ATL1: variants seen among roughly 807,000 people sequenced by gnomAD.
ATL1 encodes atlastin GTPase 1, also known as atlastin-1.
ATL1 carries 31 observed loss-of-function variants against 75.5 expected under a neutral mutation model. That is an observed-to-expected ratio of 0.41 (90% CI 0.31 to 0.55). The LOEUF is 0.55. Ranked by LOEUF, ATL1 falls within the 20% of genes least tolerant of loss-of-function variation. The pLI, the probability that ATL1 is intolerant of heterozygous loss-of-function variation, is 0.27. For synonymous variants in ATL1, 226 were observed against 233.3 expected (o/e 0.97, Z 0.28); for missense variants, 405 against 662.6 (o/e 0.61, Z 4.27).
intron 2 of ATL1, among the ~76,000 whole-genome samples, chr14:50,589,524 C>T (rs1300434422): frequency 6.6e-6 from 1 of 152,090 alleles, no homozygotes; most frequent in Non-Finnish European, 1.5e-5. Context: ...CTGGAGAAAG[C>T]TTCATAGAGA....
intron 6 of ATL1, among the ~76,000 whole-genome samples, chr14:50,612,047 T>A (rs2039371188): frequency 6.6e-6 from 1 of 152,162 alleles, no homozygotes; most frequent in South Asian, 2.1e-4. Flanking sequence ...ATTATTCACA[T>A]AATGGGAAAT....
chr14:50,614,113 T>G (rs2039392178), intron 7 of ATL1, among the ~76,000 whole-genome samples: 1 of 152,162 alleles, frequency 6.6e-6, no homozygotes, highest in Admixed American at 6.5e-5. Context: ...CTAATTTGTA[T>G]TAAAAAATGG....
intron 1 of ATL1, among the ~76,000 whole-genome samples, chr14:50,582,685 C>A (rs528759552): frequency 1.3e-5 from 2 of 151,730 alleles, no homozygotes; most frequent in Non-Finnish European, 2.9e-5. Context: ...CTCGGCCTCC[C>A]AAAGTGCTGG....
intron 1 of ATL1, among the ~76,000 whole-genome samples, chr14:50,574,931 GTGTGTGTA>G (rs1412378908): frequency 0.039 from 3,033 of 78,038 alleles, 33 homozygotes; most frequent in Non-Finnish European, 0.053. Flanking sequence ...GTGTGTGTGT[GTGTGTGTA>G]TATATATATA....
intron 8 of ATL1, among the ~76,000 whole-genome samples, chr14:50,619,651 A>G (rs548562521): frequency 6.6e-5 from 10 of 152,328 alleles, no homozygotes; most frequent in African/African-American, 1.9e-4. Flanking sequence ...TGTGTAATCA[A>G]TTATATCAAA....
At position 50,560,318 on chromosome 14, in the gene ATL1, C is replaced by G. The variant is rs1366172345; in HGVS notation, c.34+19C>G. 6.2e-7 allele frequency: 1 copy of G among 1,613,268 alleles called. No homozygotes were observed. The highest frequency in any genetic ancestry group is 1.3e-5 in the African/African-American group (1 of 74,908). ...AGTTGGGGTGAGTAGCAAATGAGAA[C>G]TTCTGCAGCCTGCACGGGGTCTTCT... is the stretch of plus-strand genomic sequence containing the variant. On this transcript the variant is annotated intron_variant, in intron 1 of 13. Transcript: ENST00000358385.
At chr14:50,605,866 G>C (rs999206031) in intron 6 of ATL1, among the ~76,000 whole-genome samples, 1 of 151,922 alleles carries the variant, frequency 6.6e-6, no homozygotes, top group Non-Finnish European at 1.5e-5. Flanking sequence ...TATCTTTCTG[G>C]GTTAAAAGAA....
At chr14:50,615,666 T>A (rs368282906) in intron 8 of ATL1, among the ~76,000 whole-genome samples, 1 of 152,236 alleles carries the variant, frequency 6.6e-6, no homozygotes, top group African/African-American at 2.4e-5. Flanking sequence ...GTCACACTTA[T>A]GAATTCCAAC....
intron 1 of ATL1, among the ~76,000 whole-genome samples, chr14:50,584,668 C>G (rs1188918468): frequency 6.6e-6 from 1 of 151,778 alleles, no homozygotes; most frequent in East Asian, 1.9e-4. Flanking sequence ...GAGATCGCGC[C>G]ACTGCACTCC....
At chr14:50,553,949 G>T (rs1305712002) in intron 1 of ATL1, among the ~76,000 whole-genome samples, 1 of 152,092 alleles carries the variant, frequency 6.6e-6, no homozygotes, top group Non-Finnish European at 1.5e-5. Context: ...GGGGACTCCG[G>T]GCAAAGGGTC....
upstream of ATL1, among the ~76,000 whole-genome samples, chr14:50,558,522 T>A (rs2038792905): frequency 6.6e-6 from 1 of 152,192 alleles, no homozygotes; most frequent in Non-Finnish European, 1.5e-5. Flanking sequence ...ATTTAAGCAT[T>A]TTTTTGTGAT....
chr14:50,568,055 T>C (rs2038920791), intron 1 of ATL1, among the ~76,000 whole-genome samples: 2 of 152,216 alleles, frequency 1.3e-5, no homozygotes, highest in Non-Finnish European at 2.9e-5. Flanking sequence ...TATTTCCTTT[T>C]TGTTTGTTTG....
chr14:50,582,055 C>T (rs954609193), intron 1 of ATL1, among the ~76,000 whole-genome samples: 5 of 151,936 alleles, frequency 3.3e-5, no homozygotes, highest in Non-Finnish European at 5.9e-5. Context: ...CCGAGGCGGG[C>T]GGATCACTTG....
chr14:50,587,994 G>A lies in ATL1; in HGVS notation c.198G>A (p.Glu66=), dbSNP rs1260793822. The A allele has an allele frequency of 2.5e-6, 4 of 1,614,164 alleles. No homozygotes were observed. Among genetic ancestry groups the A allele is most frequent in the Non-Finnish European group, 3.4e-6 (4 of 1,180,028 alleles). Residue 66 remains glutamate (E), a synonymous_variant, in exon 2 of 14, where the codon GAG becomes GAA. Coordinates refer to ENST00000358385, the MANE Select transcript of ATL1 (RefSeq NM_015915.5). ...ILLSEAVRDK[E]VVAVSVAGAF... is the part of the protein sequence containing the mutation. ...TCTCGGAGGCTGTCAGAGACAAGGA[G>A]GTTGTTGCTGTATCTGTTGCTGGAG...
chr14:50,610,977 C>T (rs918007549), intron 6 of ATL1, among the ~76,000 whole-genome samples: 3 of 152,124 alleles, frequency 2.0e-5, no homozygotes, highest in African/African-American at 4.8e-5. Context: ...CATCCCATCC[C>T]TCTGACCACA....
At chr14:50,592,118 A>T (rs1381993146) in intron 4 of ATL1, among the ~76,000 whole-genome samples, 1 of 152,224 alleles carries the variant, frequency 6.6e-6, no homozygotes. Context: ...CTTATATATA[A>T]AATTTATCTT....
intron 6 of ATL1, among the ~76,000 whole-genome samples, chr14:50,612,552 C>T (rs926522831): frequency 6.6e-6 from 1 of 152,156 alleles, no homozygotes; most frequent in Admixed American, 6.6e-5. Flanking sequence ...TAAATGTCAT[C>T]TCATCTTCCT....
At chr14:50,600,302 A>G (rs2140214640) in intron 6 of ATL1, among the ~76,000 whole-genome samples, 1 of 152,102 alleles carries the variant, frequency 6.6e-6, no homozygotes, top group Admixed American at 6.5e-5. Flanking sequence ...AAAAAACTTT[A>G]AGAGATTACC....
At chr14:50,578,315 G>C (rs1331351172) in intron 1 of ATL1, among the ~76,000 whole-genome samples, 1 of 152,046 alleles carries the variant, frequency 6.6e-6, no homozygotes, top group Non-Finnish European at 1.5e-5. Flanking sequence ...AATTCCATGT[G>C]TAACTCTTCA....
Sources: allele counts gnomAD v4.1 joint callset (sites outside exome capture counted in the v4.1 genomes callset), GRCh38; gene constraint gnomAD v4.1.1; transcripts MANE v1.5; gene names NCBI Gene and HGNC (gene_info 2026-07-23, HGNC 2026-07-21).